CEP83: variants seen among roughly 807,000 people sequenced by gnomAD.
CEP83 encodes the protein centrosomal protein of 83 kDa.
A neutral mutation model predicts 101.9 loss-of-function variants in CEP83; 70 were observed. The ratio of observed to expected loss-of-function variants is 0.69; its 90% confidence interval spans 0.57 to 0.84. The LOEUF (loss-of-function observed/expected upper bound fraction) is 0.84. CEP83 is among the 40% of genes least tolerant of loss of function. CEP83 has a pLI of 0.00. For synonymous variants in CEP83, 264 were observed against 267.9 expected (o/e 0.99, Z 0.14); for missense variants, 715 against 787.2 (o/e 0.91, Z 1.10).
intron 11 of CEP83, among the ~76,000 whole-genome samples, chr12:94,346,211 A>C (rs2059926731): frequency 6.6e-6 from 1 of 151,908 alleles, no homozygotes; most frequent in Admixed American, 6.6e-5. Context: ...CACCACGCCC[A>C]ACTAATTTTT....
intron 8 of CEP83, among the ~76,000 whole-genome samples, chr12:94,373,106 A>G (rs897794473): frequency 6.6e-6 from 1 of 152,110 alleles, no homozygotes; most frequent in Non-Finnish European, 1.5e-5. Flanking sequence ...CAAGTCCCAA[A>G]TCCTAGGAAA....
the CEP83 span, chr12:94,294,640 T>C: frequency 1.6e-6 from 1 of 614,234 alleles, no homozygotes; most frequent in East Asian, 2.9e-5. Context: ...TGAGATTGAG[T>C]TGTTGCTATG....
chr12:94,268,272 C>T, the CEP83 span, among the ~76,000 whole-genome samples: 2 of 152,200 alleles, frequency 1.3e-5, no homozygotes, highest in Non-Finnish European at 1.5e-5. Context: ...ATTTCTTATA[C>T]ATGAAATCAT....
rs1018451518 is a variant in CEP83, at chr12:94,310,122, G to T, written c.1812-15C>A. On this transcript the variant is annotated splice_polypyrimidine_tract_variant and intron_variant, in intron 15 of 16. Coordinates refer to ENST00000397809, the MANE Select transcript of CEP83 (RefSeq NM_016122.3). ...GAACATTTTGTCTTAAAAAGAAAAA[G>T]AAATGTTTCTTTAACATGGTTATAC... The T allele has an allele frequency of 4.3e-6, 6 of 1,411,178 alleles. No individual in the cohort carries two copies. Among genetic ancestry groups the T allele is most frequent in the Non-Finnish European group, 5.9e-6 (6 of 1,015,638 alleles). The allele number at this position is 1,411,178 out of a possible 1,614,324, so 87.4% of individuals were successfully genotyped here.
At chr12:94,323,006 G>C (rs759114528) in intron 14 of CEP83, among the ~76,000 whole-genome samples, 14 of 152,200 alleles carry the variant, frequency 9.2e-5, no homozygotes, top group Non-Finnish European at 1.0e-4. Context: ...GAAGGCAATA[G>C]CTAAGGCTAC....
the CEP83 span, chr12:94,301,128 T>G: frequency 7.8e-6 from 11 of 1,402,580 alleles, no homozygotes; most frequent in African/African-American, 1.4e-5. Context: ...CTGATAAGCA[T>G]TCAAATAATA....
intron 11 of CEP83, among the ~76,000 whole-genome samples, chr12:94,346,912 C>A (rs2059958474): frequency 2.0e-5 from 3 of 152,104 alleles, no homozygotes; most frequent in Admixed American, 2.0e-4. Context: ...GTGCCATGCA[C>A]CTGTAGTCCC....
intron 14 of CEP83, among the ~76,000 whole-genome samples, chr12:94,323,460 A>C (rs1297303657): frequency 6.6e-6 from 1 of 151,992 alleles, no homozygotes; most frequent in African/African-American, 2.4e-5. Flanking sequence ...TGGGAAGAGG[A>C]GGCTCCTCTG....
At chr12:94,367,762 T>C (rs746662932) in intron 11 of CEP83, 32 bp downstream of exon 11, 9 of 1,497,260 alleles carry the variant, frequency 6.0e-6, no homozygotes, top group South Asian at 1.3e-5. Context: ...TATTTCAACA[T>C]GAAAAACTTT....
At chr12:94,319,761 T>G (rs1422442709) in intron 14 of CEP83, among the ~76,000 whole-genome samples, 1 of 152,226 alleles carries the variant, frequency 6.6e-6, no homozygotes, top group Non-Finnish European at 1.5e-5. Context: ...GAGGATTGTT[T>G]TATGTCTGAT....
At chr12:94,383,934 A>G (rs1033671480) in intron 6 of CEP83, among the ~76,000 whole-genome samples, 1 of 152,118 alleles carries the variant, frequency 6.6e-6, no homozygotes, top group African/African-American at 2.4e-5. Flanking sequence ...TTTTCTCTAT[A>G]TATTTAGAAC....
chr12:94,333,466 A>G lies in CEP83; in HGVS notation c.1577+16T>C, dbSNP rs1593213898. On this transcript the variant is annotated intron_variant, in intron 13 of 16. Transcript: ENST00000397809. ...AAAAAAGAAAAAATAGTTTGTACATAAAGAGCAAACTCTACTTTTCAGCTT... is the reference window on the plus strand; with the variant it reads ...AAAAAAGAAAAAATAGTTTGTACATGAAGAGCAAACTCTACTTTTCAGCTT... 6.2e-7 allele frequency: 1 copy of G among 1,604,580 alleles called. No homozygotes were observed. The highest frequency in any genetic ancestry group is 8.5e-7 in the Non-Finnish European group (1 of 1,176,432).
chr12:94,376,298 G>A (rs1202542447), intron 7 of CEP83, among the ~76,000 whole-genome samples: 3 of 151,970 alleles, frequency 2.0e-5, no homozygotes, highest in African/African-American at 7.3e-5. Flanking sequence ...AGTACCTAAG[G>A]CATTCATTTG....
chr12:94,353,955 T>C (rs1158921659), intron 11 of CEP83, among the ~76,000 whole-genome samples: 1 of 151,746 alleles, frequency 6.6e-6, no homozygotes, highest in Non-Finnish European at 1.5e-5. Context: ...ATAGTAAATA[T>C]GTATGCATCA....
chr12:94,444,598 C>T (rs1476679421), intron 1 of CEP83, among the ~76,000 whole-genome samples: 3 of 131,700 alleles, frequency 2.3e-5, no homozygotes, highest in Non-Finnish European at 5.4e-5. Flanking sequence ...TAAATGTTTA[C>T]TGAGTGCATC....
At position 94,424,533 on chromosome 12, in the gene CEP83, T is replaced by C. The variant is rs939379783; in HGVS notation, c.-102+10742A>G. The C allele has an allele frequency of 1.4e-4, 229 of 1,613,654 alleles. 1 individual carries two copies. The highest frequency in any genetic ancestry group is 1.7e-4 in the Middle Eastern group (1 of 6,032). ...ATCCCCTCCAGTTCCTGCTCATCCATTGACAGTGGGAGGTTTGAGATGTAT... is the reference window on the plus strand; with the variant it reads ...ATCCCCTCCAGTTCCTGCTCATCCACTGACAGTGGGAGGTTTGAGATGTAT... On this transcript the variant is annotated intron_variant, in intron 2 of 16. Coordinates refer to ENST00000397809, the MANE Select transcript of CEP83 (RefSeq NM_016122.3).
intron 2 of CEP83, among the ~76,000 whole-genome samples, chr12:94,416,758 G>A (rs536829359): frequency 7.9e-5 from 12 of 152,174 alleles, no homozygotes; most frequent in South Asian, 2.1e-4. Context: ...CAATGTCAGA[G>A]GAGACCACAT....
chr12:94,313,768 C>T (rs953761633), intron 14 of CEP83, among the ~76,000 whole-genome samples: 4 of 151,876 alleles, frequency 2.6e-5, no homozygotes, highest in South Asian at 4.1e-4. Flanking sequence ...ACCTGGGAGG[C>T]GGAGGTTGCA....
intron 1 of CEP83, among the ~76,000 whole-genome samples, chr12:94,440,590 A>G (rs550178712): frequency 1.3e-5 from 2 of 152,298 alleles, no homozygotes; most frequent in East Asian, 3.9e-4. Context: ...GGTAGAATCA[A>G]TATTGTGAAA....
Sources: allele counts gnomAD v4.1 joint callset (sites outside exome capture counted in the v4.1 genomes callset), GRCh38; gene constraint gnomAD v4.1.1; transcripts MANE v1.5; gene names NCBI Gene and HGNC (gene_info 2026-07-23, HGNC 2026-07-21).